AFAP1L1: variants seen among roughly 807,000 people sequenced by gnomAD.
The protein encoded by AFAP1L1 is actin filament associated protein 1 like 1.
A neutral mutation model predicts 99.8 loss-of-function variants in AFAP1L1; 77 were observed. The observed-to-expected ratio is 0.77, with a 90% CI of 0.64 to 0.93. The LOEUF (loss-of-function observed/expected upper bound fraction) is 0.93, where lower values mean the gene tolerates loss of function less well. AFAP1L1 is among the 40% of genes least tolerant of loss of function. The pLI is 0.00. For missense variants in AFAP1L1, 893 were observed against 996.8 expected, an observed-to-expected ratio of 0.90 and a Z score of 1.40; for synonymous variants, 373 against 395.3, an observed-to-expected ratio of 0.94 and a Z score of 0.67.
At chr5:149,337,054 A>C (rs538002641) in intron 18 of AFAP1L1, among the ~76,000 whole-genome samples, 41 of 152,340 alleles carry the variant, frequency 2.7e-4, no homozygotes, top group Admixed American at 2.4e-3. Flanking sequence ...GTTTTCAAGG[A>C]ACAATCTCTT....
Position 149,302,454 on chromosome 5 carries a change from C to A in AFAP1L1, c.364C>A (p.Pro122Thr). ...GCCTCCACCGCTCCCCAACAAGCCTCCCCCTGAGGACTACTATGAAGAGGC... is the reference window on the plus strand; with the variant it reads ...GCCTCCACCGCTCCCCAACAAGCCTACCCCTGAGGACTACTATGAAGAGGC... ...DLPPPLPNKP[P>T]PEDYYEEALP... The change falls in exon 5 of 19, where the codon CCC becomes ACC. Residue 122 changes from proline to threonine, a missense_variant. Coordinates refer to ENST00000296721, the MANE Select transcript of AFAP1L1 (RefSeq NM_152406.4). 6.3e-7 allele frequency: 1 copy of A among 1,596,256 alleles called. No individual in the cohort carries two copies. The highest frequency in any genetic ancestry group is 8.5e-7 in the Non-Finnish European group (1 of 1,171,590).
chr5:149,274,192 G>C (rs78866274), intron 1 of AFAP1L1, among the ~76,000 whole-genome samples: 1 of 152,224 alleles, frequency 6.6e-6, no homozygotes, highest in Non-Finnish European at 1.5e-5. Context: ...GGAAGGCAAG[G>C]AGTGGATCTA....
At chr5:149,300,985 T>C in intron 3 of AFAP1L1, 148 bp from the exon 4 acceptor site, 1 of 603,334 alleles carries the variant, frequency 1.7e-6, no homozygotes, top group Non-Finnish European at 2.9e-6. Flanking sequence ...AGTTTCAGAG[T>C]CAAAAGTCAT....
intron 1 of AFAP1L1, among the ~76,000 whole-genome samples, chr5:149,288,477 C>A (rs1222403987): frequency 6.6e-6 from 1 of 152,184 alleles, no homozygotes; most frequent in Non-Finnish European, 1.5e-5. Context: ...CCTGCTTTTA[C>A]CATCAGGCAT....
At chr5:149,338,444 T>C (rs562195616) in intron 18 of AFAP1L1, among the ~76,000 whole-genome samples, 1 of 152,340 alleles carries the variant, frequency 6.6e-6, no homozygotes, top group East Asian at 1.9e-4. Context: ...CCAGCCTAGA[T>C]GACACTAAGT....
At chr5:149,298,098 C>T (rs1756072867) in intron 1 of AFAP1L1, among the ~76,000 whole-genome samples, 1 of 152,186 alleles carries the variant, frequency 6.6e-6, no homozygotes, top group Admixed American at 6.5e-5. Context: ...GGCTCCAGGG[C>T]CTGTTCTCTT....
intron 1 of AFAP1L1, among the ~76,000 whole-genome samples, chr5:149,299,240 A>AGGTCCAGTCCT (rs1756109396): frequency 6.6e-6 from 1 of 152,176 alleles, no homozygotes; most frequent in Non-Finnish European, 1.5e-5. Context: ...GGGTTGCCAG[A>AGGTCCAGTCCT]TGAGCCCAGG....
At position 149,320,555 on chromosome 5, in the gene AFAP1L1, T is replaced by G; in HGVS notation, c.1698+92T>G. The G allele has an allele frequency of 8.3e-7, 1 of 1,198,580 alleles. No individual in the cohort carries two copies. Among genetic ancestry groups the G allele is most frequent in the Non-Finnish European group, 1.2e-6 (1 of 819,152 alleles). The allele number at this position is 1,198,580 out of a possible 1,614,324, so 74.2% of individuals were successfully genotyped here. On this transcript the variant is annotated intron_variant, in intron 14 of 18. Transcript: ENST00000296721. This position sits in a 1 kb window ranked among gnomAD's most constrained non-coding sequence, Gnocchi z 4.0. The stretch of plus-strand genomic sequence containing the variant: ...CCCTTTACCTTCTGCCTCAGAAAGA[T>G]CATTTTCATTTAAGCAGCAGTAGCT...
chr5:149,300,983 A>G (rs2127594156), intron 3 of AFAP1L1, 150 bp from the exon 4 acceptor site: 2 of 598,000 alleles, frequency 3.3e-6, no homozygotes, highest in East Asian at 5.6e-5. Context: ...TGAGTTTCAG[A>G]GTCAAAAGTC....
At chr5:149,302,703 G>A in intron 5 of AFAP1L1, 177 bp downstream of exon 5, 2 of 541,646 alleles carry the variant, frequency 3.7e-6, no homozygotes, top group Non-Finnish European at 6.3e-6. Flanking sequence ...CAGCCTGGGT[G>A]GACCAATATG....
chr5:149,302,028 C>T (rs1047463047), intron 4 of AFAP1L1, among the ~76,000 whole-genome samples: 1 of 152,238 alleles, frequency 6.6e-6, no homozygotes, highest in Non-Finnish European at 1.5e-5. Flanking sequence ...CACTCAGCTG[C>T]GGGTGGTCCT....
intron 1 of AFAP1L1, among the ~76,000 whole-genome samples, chr5:149,282,480 T>C (rs1755550057): frequency 6.6e-6 from 1 of 152,202 alleles, no homozygotes; most frequent in African/African-American, 2.4e-5. Flanking sequence ...AATTCCCCCC[T>C]TGGGCTTCAG....
At chr5:149,302,888 C>T (rs1756277611) in intron 5 of AFAP1L1, among the ~76,000 whole-genome samples, 1 of 152,150 alleles carries the variant, frequency 6.6e-6, no homozygotes, top group Admixed American at 6.5e-5. Flanking sequence ...TATACTGTTC[C>T]CCCTACTAAA....
chr5:149,288,511 T>G (rs943019978), intron 1 of AFAP1L1, among the ~76,000 whole-genome samples: 5 of 152,320 alleles, frequency 3.3e-5, no homozygotes, highest in African/African-American at 1.2e-4. Context: ...CTGGGACTAC[T>G]CTGCTTCCCC....
chr5:149,326,068 C>CA (rs1411118557), intron 15 of AFAP1L1, among the ~76,000 whole-genome samples: 1 of 152,142 alleles, frequency 6.6e-6, no homozygotes, highest in African/African-American at 2.4e-5. Context: ...AAAGGCAGGC[C>CA]ATAAGAACAG....
chr5:149,333,544 G>T (rs1436051463), intron 17 of AFAP1L1, among the ~76,000 whole-genome samples: 1 of 152,158 alleles, frequency 6.6e-6, no homozygotes, highest in Non-Finnish European at 1.5e-5. Context: ...AGGAAGATAC[G>T]CTCACCTCCA....
intron 1 of AFAP1L1, among the ~76,000 whole-genome samples, chr5:149,281,144 TG>T (rs1200331011): frequency 1.3e-5 from 2 of 151,944 alleles, no homozygotes; most frequent in African/African-American, 4.8e-5. Context: ...TCATTCACGG[TG>T]GGGGGGTTGC....
intron 14 of AFAP1L1, among the ~76,000 whole-genome samples, chr5:149,322,126 TTTCACTGGA>T (rs1756968363): frequency 6.6e-6 from 1 of 152,232 alleles, no homozygotes; most frequent in Non-Finnish European, 1.5e-5. Context: ...TTTCCTAAGC[TTTCACTGGA>T]TTTTTAGTAT....
At chr5:149,304,719 C>G (rs1202701017) in intron 5 of AFAP1L1, among the ~76,000 whole-genome samples, 1 of 152,194 alleles carries the variant, frequency 6.6e-6, no homozygotes, top group Non-Finnish European at 1.5e-5. Flanking sequence ...TTCCCTACTT[C>G]ACACCTGACC....
Sources: gnomAD v4.1 joint callset for allele counts (sites outside exome capture counted in the v4.1 genomes callset) on GRCh38, gnomAD v4.1.1 for gene constraint, Gnocchi (gnomAD v3.1) non-coding constraint, MANE v1.5 for transcripts, NCBI Gene and HGNC (gene_info 2026-07-23, HGNC 2026-07-21) for gene names.